The following CSMD1 variants were observed in gnomAD, a reference collection of about 807,000 sequenced individuals.
CSMD1 encodes CUB and sushi domain-containing protein 1.
A neutral mutation model predicts 417.5 loss-of-function variants in CSMD1; 213 were observed. That is an observed-to-expected ratio of 0.51 (90% confidence interval 0.46 to 0.57). The LOEUF (loss-of-function observed/expected upper bound fraction) is 0.57. Ranked by LOEUF, CSMD1 falls within the 20% of genes least tolerant of loss-of-function variation. The pLI is 0.00. For synonymous variants in CSMD1, 2,862 were observed against 1,736.8 expected, an observed-to-expected ratio of 1.65 and a Z score of -16.11; for missense variants, 6,923 against 4,529.7, an observed-to-expected ratio of 1.53 and a Z score of -15.17.
chr8:3,029,534 ACAT>A, intron 50 of CSMD1, 21 bp from the exon 51 acceptor site: 1 of 1,562,518 alleles, frequency 6.4e-7, no homozygotes, highest in Non-Finnish European at 8.7e-7. Flanking sequence ...AACGTACATC[ACAT>A]CATCATTTTT....
chr8:4,896,188 C>T (rs1397801223), intron 1 of CSMD1, among the ~76,000 whole-genome samples: 1 of 152,022 alleles, frequency 6.6e-6, no homozygotes, highest in Non-Finnish European at 1.5e-5. Flanking sequence ...TCATATTCAG[C>T]ATGGCTTTTG....
chr8:4,968,398 T>A, intron 1 of CSMD1, among the ~76,000 whole-genome samples: 1 of 151,924 alleles, frequency 6.6e-6, no homozygotes, highest in East Asian at 1.9e-4. Context: ...TCTGTAACTG[T>A]TAAAAAAAAA....
intron 5 of CSMD1, among the ~76,000 whole-genome samples, chr8:3,959,696 A>T (rs1242481200): frequency 6.6e-6 from 1 of 152,212 alleles, no homozygotes; most frequent in Non-Finnish European, 1.5e-5. Context: ...AAGTTTCTTT[A>T]TATGATATAC....
intron 3 of CSMD1, among the ~76,000 whole-genome samples, chr8:4,080,584 T>C (rs374248512): frequency 6.6e-6 from 1 of 152,230 alleles, no homozygotes; most frequent in Non-Finnish European, 1.5e-5. Context: ...TATTTATGTA[T>C]GATGTCATAG....
intron 5 of CSMD1, among the ~76,000 whole-genome samples, chr8:3,811,196 A>T (rs1284908745): frequency 6.6e-6 from 1 of 152,146 alleles, no homozygotes; most frequent in African/African-American, 2.4e-5. Flanking sequence ...TATTCGAATT[A>T]TTTTTTAAGG....
At chr8:3,639,514 A>C (rs1463619863) in intron 7 of CSMD1, among the ~76,000 whole-genome samples, 1 of 152,214 alleles carries the variant, frequency 6.6e-6, no homozygotes, top group Non-Finnish European at 1.5e-5. Context: ...ACAGTAAAAG[A>C]CACAGATAAC....
intron 5 of CSMD1, among the ~76,000 whole-genome samples, chr8:3,771,508 T>A (rs1226405595): frequency 6.6e-6 from 1 of 152,006 alleles, no homozygotes; most frequent in Non-Finnish European, 1.5e-5. Flanking sequence ...CACACAACAG[T>A]TTGGAGCTTC....
At chr8:4,075,971 CAT>C (rs1222879386) in intron 3 of CSMD1, among the ~76,000 whole-genome samples, 2 of 152,116 alleles carry the variant, frequency 1.3e-5, no homozygotes, top group African/African-American at 2.4e-5. Context: ...AGTTTTAAAA[CAT>C]AGAATTGTTT....
chr8:4,848,441 G>C (rs1196037519), intron 1 of CSMD1, among the ~76,000 whole-genome samples: 1 of 152,138 alleles, frequency 6.6e-6, no homozygotes, highest in Non-Finnish European at 1.5e-5. Flanking sequence ...TTGTAACGCA[G>C]TGCATTACTC....
chr8:4,000,495 G>A (rs1476846289), intron 4 of CSMD1, among the ~76,000 whole-genome samples: 2 of 152,184 alleles, frequency 1.3e-5, no homozygotes, highest in East Asian at 3.8e-4. Context: ...TCAGATATTG[G>A]GCAGAATTCA....
intron 5 of CSMD1, among the ~76,000 whole-genome samples, chr8:3,888,155 A>G (rs1563180084): frequency 6.6e-6 from 1 of 152,220 alleles, no homozygotes; most frequent in Non-Finnish European, 1.5e-5. Flanking sequence ...TTTGTATGCA[A>G]TGTTCGTCAT....
At chr8:4,686,755 G>A (rs1806410619) in intron 1 of CSMD1, among the ~76,000 whole-genome samples, 1 of 152,182 alleles carries the variant, frequency 6.6e-6, no homozygotes, top group African/African-American at 2.4e-5. Flanking sequence ...ATGAACCTAA[G>A]ATCAGAAGAA....
In CSMD1 at chr8:4,368,569, C is replaced by G. The variant is rs1382168521; in HGVS notation, c.415+51384G>C. 3.3e-5 allele frequency among the ~76,000 whole-genome samples: 5 copies of G among 152,200 alleles called. No individual in the cohort carries two copies. In the East Asian group the frequency reaches 5.8e-4, roughly 18 times the overall value. ...TAGGTACTAGCTCTTTTTTGTACAT[C>G]TGGTAAAATTCGGCTTTGAATACAT... On this transcript the variant is annotated intron_variant, in intron 3 of 69. Transcript: ENST00000635120.
intron 36 of CSMD1, among the ~76,000 whole-genome samples, chr8:3,181,684 A>C (rs1821336883): frequency 6.6e-6 from 1 of 152,108 alleles, no homozygotes; most frequent in Admixed American, 6.5e-5. Flanking sequence ...TCCCTATGTG[A>C]CTCATGCTTA....
intron 5 of CSMD1, among the ~76,000 whole-genome samples, chr8:3,791,829 T>A (rs892126527): frequency 7.8e-6 from 1 of 127,640 alleles, no homozygotes; most frequent in Admixed American, 7.8e-5. Flanking sequence ...TATCAAATAA[T>A]AATAATAATA....
chr8:3,594,824 C>T (rs1372710000), intron 8 of CSMD1, among the ~76,000 whole-genome samples: 1 of 152,180 alleles, frequency 6.6e-6, no homozygotes, highest in African/African-American at 2.4e-5. Context: ...GTGTGTCATT[C>T]ACCTTGAAAT....
At chr8:3,636,656 C>T (rs974128471) in intron 7 of CSMD1, among the ~76,000 whole-genome samples, 3 of 152,212 alleles carry the variant, frequency 2.0e-5, no homozygotes, top group African/African-American at 7.2e-5. Context: ...CGCAGAGATG[C>T]TCTTCTCCCT....
At chr8:3,659,462 C>T (rs922794) in intron 7 of CSMD1, among the ~76,000 whole-genome samples, 76,852 of 152,048 alleles carry the variant, frequency 0.51, 20,143 homozygotes, top group Admixed American at 0.59. Flanking sequence ...TTCAAATCTC[C>T]GAAACACAGA....
chr8:4,592,567 A>C (rs1367223768), intron 2 of CSMD1, among the ~76,000 whole-genome samples: 11 of 151,928 alleles, frequency 7.2e-5, no homozygotes, highest in Non-Finnish European at 1.6e-4. Context: ...TTGTATTTTT[A>C]GTAGAGACAG....
Sources: gnomAD v4.1 joint callset for allele counts (sites outside exome capture counted in the v4.1 genomes callset) on GRCh38, gnomAD v4.1.1 for gene constraint, MANE v1.5 for transcripts, NCBI Gene and HGNC (gene_info 2026-07-23, HGNC 2026-07-21) for gene names.